SHISA9: variants seen among roughly 807,000 people sequenced by gnomAD.
SHISA9 encodes the protein protein shisa-9.
Under a neutral mutation model 38.0 loss-of-function variants are expected in SHISA9, and 13 were observed. The ratio of observed to expected loss-of-function variants is 0.34; its 90% CI spans 0.22 to 0.54. The LOEUF (loss-of-function observed/expected upper bound fraction) is 0.54, where lower values mean the gene tolerates loss of function less well. Ranked by LOEUF, SHISA9 falls within the 20% of genes least tolerant of loss-of-function variation. SHISA9 has a pLI of 0.91. For missense variants in SHISA9, 538 were observed against 575.8 expected, an observed-to-expected ratio of 0.93 and a Z score of 0.67; for synonymous variants, 275 against 242.0, an observed-to-expected ratio of 1.14 and a Z score of -1.27.
chr16:13,530,494 G>A, the SHISA9 span, among the ~76,000 whole-genome samples: 1 of 152,226 alleles, frequency 6.6e-6, no homozygotes, highest in Admixed American at 6.5e-5. Context: ...CACATAGGAA[G>A]TGTTAGCTGT....
At chr16:13,008,354 A>G (rs1213389830) in intron 2 of SHISA9, among the ~76,000 whole-genome samples, 1 of 152,010 alleles carries the variant, frequency 6.6e-6, no homozygotes, top group African/African-American at 2.4e-5. Context: ...TCCAAAATAA[A>G]CCATTGCACT....
intron 2 of SHISA9, among the ~76,000 whole-genome samples, chr16:13,120,978 T>C (rs1243487912): frequency 2.6e-5 from 4 of 152,034 alleles, no homozygotes; most frequent in African/African-American, 9.7e-5. Flanking sequence ...TCTAGGAGTC[T>C]TCCCATCACT....
At chr16:13,179,625 G>T (rs2050760563) in intron 2 of SHISA9, among the ~76,000 whole-genome samples, 1 of 152,158 alleles carries the variant, frequency 6.6e-6, no homozygotes, top group Non-Finnish European at 1.5e-5. Context: ...TCCTGGCCTT[G>T]GCTCCAATGA....
At chr16:13,338,279 G>A in the SHISA9 span, among the ~76,000 whole-genome samples, 1 of 152,158 alleles carries the variant, frequency 6.6e-6, no homozygotes. Context: ...TAATTGCATA[G>A]CCTAACAATC....
chr16:13,204,154 CTATCTATCTATCTATT>C (rs1282555777), intron 3 of SHISA9, among the ~76,000 whole-genome samples: 5 of 149,586 alleles, frequency 3.3e-5, no homozygotes, highest in South Asian at 4.4e-4. Context: ...ATCTATCTAT[CTATCTATCTATCTATT>C]TATCTATCAT....
the SHISA9 span, among the ~76,000 whole-genome samples, chr16:13,431,395 A>C: frequency 1.3e-5 from 2 of 152,242 alleles, no homozygotes; most frequent in Non-Finnish European, 2.9e-5. Context: ...ATAAACTTCC[A>C]GTTAAGGAAA....
At chr16:13,125,817 A>C (rs2050251187) in intron 2 of SHISA9, among the ~76,000 whole-genome samples, 1 of 152,244 alleles carries the variant, frequency 6.6e-6, no homozygotes, top group Non-Finnish European at 1.5e-5. Context: ...CAAGTGCTCA[A>C]GAAATATTTA....
chr16:13,149,331 A>G (rs1474557723), intron 2 of SHISA9, among the ~76,000 whole-genome samples: 1 of 152,080 alleles, frequency 6.6e-6, no homozygotes, highest in Non-Finnish European at 1.5e-5. Flanking sequence ...AGGAGGGGGT[A>G]TGGGGTGGAG....
chr16:13,416,454 C>T, the SHISA9 span, among the ~76,000 whole-genome samples: 16 of 152,142 alleles, frequency 1.1e-4, no homozygotes, highest in Non-Finnish European at 1.9e-4. Context: ...GTCATTTTAA[C>T]CATCATATGA....
chr16:13,073,956 C>G (rs572529018), intron 2 of SHISA9, among the ~76,000 whole-genome samples: 107 of 110,164 alleles, frequency 9.7e-4, no homozygotes, highest in African/African-American at 3.7e-3. Flanking sequence ...TTCTGCTGGT[C>G]GTTTTTTTTT....
chr16:13,114,531 C>T lies in SHISA9; in HGVS notation c.692-88863C>T, dbSNP rs904680247. Among the ~76,000 whole-genome samples the T allele has an allele frequency of 7.3e-5, 11 of 151,330 alleles. No individual in the cohort carries two copies. The East Asian group carries it at 1.5e-3, about 21-fold the overall frequency. On this transcript the variant is annotated intron_variant, in intron 2 of 4. Transcript: ENST00000558583. ...ACTAGGTAACAATCACCCAGGTCCC[C>T]ACTACCTCAAATCAATAATTGTTAA... is the stretch of plus-strand genomic sequence containing the variant.
the SHISA9 span, among the ~76,000 whole-genome samples, chr16:13,262,844 A>G: frequency 1.3e-5 from 2 of 152,162 alleles, no homozygotes; most frequent in East Asian, 1.9e-4. Context: ...GTTGAGAGAT[A>G]TAAAGCTAAT....
chr16:13,451,840 T>TA, the SHISA9 span, among the ~76,000 whole-genome samples: 1 of 152,224 alleles, frequency 6.6e-6, no homozygotes. Context: ...AAGGAGGTCT[T>TA]TGCCCTGTGC....
At chr16:13,472,377 A>AGTTTTTTTTTTTTTTTTTTTTTTTTTTT in the SHISA9 span, among the ~76,000 whole-genome samples, 1 of 55,416 alleles carries the variant, frequency 1.8e-5, no homozygotes, top group African/African-American at 7.3e-5. Context: ...GCTCTGCTAA[A>AGTTTTTTTTTTTTTTTTTTTTTTTTTTT]TTTTTTTTTT....
chr16:13,003,871 T>TAAG (rs1263911591), intron 2 of SHISA9, among the ~76,000 whole-genome samples: 1 of 107,668 alleles, frequency 9.3e-6, no homozygotes, highest in African/African-American at 5.3e-5. Flanking sequence ...ATAATAATAA[T>TAAG]AATAATAATA....
chr16:13,070,917 A>C (rs1188601297), intron 2 of SHISA9, among the ~76,000 whole-genome samples: 2 of 152,190 alleles, frequency 1.3e-5, no homozygotes, highest in Non-Finnish European at 2.9e-5. Flanking sequence ...ATGTGGGACC[A>C]TGAGGATAGA....
chr16:12,974,160 C>G (rs943933116), intron 2 of SHISA9, among the ~76,000 whole-genome samples: 2 of 152,120 alleles, frequency 1.3e-5, no homozygotes, highest in African/African-American at 4.8e-5. Context: ...CAATGAAGTC[C>G]TATCTAGCGT....
At chr16:13,354,408 T>G in the SHISA9 span, among the ~76,000 whole-genome samples, 1 of 149,292 alleles carries the variant, frequency 6.7e-6, no homozygotes, top group East Asian at 2.0e-4. Context: ...ATCAGAGAGA[T>G]ACAGTCATGG....
At chr16:13,065,176 ATCT>A (rs1005042653) in intron 2 of SHISA9, among the ~76,000 whole-genome samples, 34 of 152,162 alleles carry the variant, frequency 2.2e-4, no homozygotes, top group African/African-American at 7.2e-4. Flanking sequence ...CTCCACGTTC[ATCT>A]TCTTCTCCCC....
Sources: allele counts gnomAD v4.1 joint callset (sites outside exome capture counted in the v4.1 genomes callset), GRCh38; gene constraint gnomAD v4.1.1; transcripts MANE v1.5; gene names NCBI Gene and HGNC (gene_info 2026-07-23, HGNC 2026-07-21).